Variants in RTTN observed in about 807,000 individuals in gnomAD.
RTTN encodes rotatin.
In RTTN, 182 loss-of-function variants were observed where a neutral mutation model predicts 269.2. The observed-to-expected ratio is 0.68, with a 90% CI of 0.60 to 0.76. The LOEUF (loss-of-function observed/expected upper bound fraction) is 0.76, where lower values mean the gene tolerates loss of function less well. Among genes scored for constraint, RTTN ranks in the 30% least tolerant of loss-of-function variants. RTTN has a pLI of 0.00. For synonymous variants in RTTN, 1,006 were observed against 963.5 expected (o/e 1.04, Z -0.82); for missense variants, 2,545 against 2,608.6 (o/e 0.98, Z 0.53).
intron 23 of RTTN, chr18:70,129,982 A>G (rs2059957871): frequency 6.6e-6 from 1 of 152,038 alleles, no homozygotes; most frequent in African/African-American, 2.4e-5. Flanking sequence ...ATCTGAATAG[A>G]AACTTCTTAA....
chr18:70,019,928 TA>T (rs1318664779), intron 45 of RTTN: 12 of 152,206 alleles, frequency 7.9e-5, no homozygotes. Flanking sequence ...GGCCTTCAAG[TA>T]AAAGAAATGG....
intron 23 of RTTN, among the ~76,000 whole-genome samples, chr18:70,132,390 T>C (rs1319174802): frequency 6.6e-6 from 1 of 152,032 alleles, no homozygotes; most frequent in East Asian, 1.9e-4. Context: ...AAGCTGACCA[T>C]ATGCTGGGCC....
At chr18:70,139,952 C>T (rs2060215149) in intron 20 of RTTN, 148 bp downstream of exon 20, 11 of 664,064 alleles carry the variant, frequency 1.7e-5, no homozygotes, top group Middle Eastern at 2.6e-4. Context: ...CTCCACTTTT[C>T]GAATTTAAAA....
intron 18 of RTTN, 146 bp downstream of exon 18, chr18:70,145,466 C>A: frequency 1.7e-6 from 1 of 597,332 alleles, no homozygotes; most frequent in Non-Finnish European, 2.8e-6. Context: ...CCAGATAAAG[C>A]CAGAACACAA....
Position 70,121,734 on chromosome 18 carries a change from C to T in RTTN, c.3384-34G>A, listed in dbSNP as rs188375011. 264 of 1,509,502 alleles carry T rather than the reference C, an allele frequency of 1.7e-4. No homozygotes were observed. In the African/African-American group the frequency reaches 2.4e-3, roughly 14 times the overall value. 93.5% of individuals were successfully genotyped at this position (1,509,502 alleles called of 1,614,324 possible). ...AAAAGACAATAATCATGGTTTCTGGCGCTTTAAAATACACAATACCACTGT... is the reference window on the plus strand; with the variant it reads ...AAAAGACAATAATCATGGTTTCTGGTGCTTTAAAATACACAATACCACTGT... On this transcript the variant is annotated intron_variant, in intron 25 of 48. Coordinates refer to ENST00000640769, the MANE Select transcript of RTTN (RefSeq NM_173630.4).
chr18:70,182,977 A>G (rs532799999), intron 10 of RTTN, among the ~76,000 whole-genome samples: 1 of 152,306 alleles, frequency 6.6e-6, no homozygotes, highest in South Asian at 2.1e-4. Context: ...TTAAGCTCCT[A>G]ATAACTCACA....
At chr18:70,127,008 T>C (rs2145606970) in intron 25 of RTTN, among the ~76,000 whole-genome samples, 1 of 152,314 alleles carries the variant, frequency 6.6e-6, no homozygotes, top group South Asian at 2.1e-4. Flanking sequence ...TTAAGCATGT[T>C]AAATTGACAA....
chr18:70,193,233 C>A, intron 8 of RTTN, 55 bp downstream of exon 8: 7 of 1,293,040 alleles, frequency 5.4e-6, no homozygotes, highest in Non-Finnish European at 7.5e-6. Context: ...GAAATTAACA[C>A]ACACACAAGT....
chr18:70,078,678 G>A (rs2058487760), intron 32 of RTTN, among the ~76,000 whole-genome samples: 1 of 152,060 alleles, frequency 6.6e-6, no homozygotes, highest in Non-Finnish European at 1.5e-5. Context: ...ATAAGAAAGT[G>A]TAATCACAGC....
At chr18:70,125,043 A>G (rs1197386514) in intron 25 of RTTN, among the ~76,000 whole-genome samples, 1 of 152,082 alleles carries the variant, frequency 6.6e-6, no homozygotes, top group Non-Finnish European at 1.5e-5. Flanking sequence ...ATATTAGATT[A>G]TAATTGTATG....
At chr18:70,006,731 T>C in intron 46 of RTTN, 1 of 403,360 alleles carries the variant, frequency 2.5e-6, no homozygotes, top group Non-Finnish European at 4.5e-6. Context: ...TGGCCAGAAT[T>C]CAAGAAAAGG....
chr18:70,083,258 A>C (rs1293179594), intron 32 of RTTN, among the ~76,000 whole-genome samples: 3 of 152,146 alleles, frequency 2.0e-5, no homozygotes, highest in Non-Finnish European at 2.9e-5. Context: ...TTCTGCATCC[A>C]CAGAAAAATA....
chr18:70,045,317 T>G (rs760351711), intron 40 of RTTN, among the ~76,000 whole-genome samples: 1 of 152,198 alleles, frequency 6.6e-6, no homozygotes, highest in Non-Finnish European at 1.5e-5. Context: ...ATTTTGCACT[T>G]GAAGAACTGA....
At chr18:70,148,121 G>C (rs116995137) in intron 17 of RTTN, among the ~76,000 whole-genome samples, 1,874 of 152,116 alleles carry the variant, frequency 0.012, 23 homozygotes, top group South Asian at 0.037. Context: ...TAAATAAGCT[G>C]CTGTATTTTC....
intron 10 of RTTN, among the ~76,000 whole-genome samples, chr18:70,182,549 G>T (rs575982786): frequency 6.6e-6 from 1 of 152,226 alleles, no homozygotes; most frequent in South Asian, 2.1e-4. Context: ...CCAGACATTA[G>T]GAATTCACAT....
intron 40 of RTTN, among the ~76,000 whole-genome samples, chr18:70,035,901 A>T (rs1329361321): frequency 6.6e-6 from 1 of 152,236 alleles, no homozygotes; most frequent in Non-Finnish European, 1.5e-5. Flanking sequence ...GGACACAAAC[A>T]GACACTTCTC....
Position 70,188,140 on chromosome 18 carries a change from A to G in RTTN, c.1273T>C (p.Trp425Arg). The change falls in exon 10 of 49, where the codon TGG becomes CGG. Residue 425 changes from tryptophan to arginine, a missense_variant. Trp to Arg is a moderately radical substitution (Grantham distance 101). Transcript: ENST00000640769. ...ATACCAAAAAGGCTGCTGTCATCCC[A>G]GATATCTGTTGAAATTGCTTCACCA... The part of the protein sequence containing the change: ...LIGEAISTDI[W>R]DDSSLFGIDM... 6.2e-7 allele frequency: 1 copy of G among 1,608,954 alleles called. No homozygotes were observed. The highest frequency in any genetic ancestry group is 8.5e-7 in the Non-Finnish European group (1 of 1,175,546).
intron 25 of RTTN, among the ~76,000 whole-genome samples, chr18:70,123,696 T>C (rs1157622303): frequency 1.3e-5 from 2 of 152,106 alleles, no homozygotes; most frequent in African/African-American, 4.8e-5. Context: ...CCACTTTCTC[T>C]CTACTGAAGA....
At chr18:70,174,139 T>G (rs2061222299) in intron 11 of RTTN, among the ~76,000 whole-genome samples, 1 of 78,280 alleles carries the variant, frequency 1.3e-5, no homozygotes, top group Non-Finnish European at 3.0e-5. Flanking sequence ...TGAATGTATA[T>G]GAAAGTTTAA....
Sources: gnomAD v4.1 joint callset for allele counts (sites outside exome capture counted in the v4.1 genomes callset) on GRCh38, gnomAD v4.1.1 for gene constraint, MANE v1.5 for transcripts, NCBI Gene and HGNC (gene_info 2026-07-23, HGNC 2026-07-21) for gene names.